JKAMP: variants seen among roughly 807,000 people sequenced by gnomAD.
JKAMP encodes the protein JNK1/MAPK8 associated membrane protein, also known as JNK1/MAPK8-associated membrane protein.
Under a neutral mutation model 40.2 loss-of-function variants are expected in JKAMP, and 20 were observed. The ratio of observed to expected loss-of-function variants is 0.50; its 90% CI spans 0.35 to 0.72. The LOEUF (loss-of-function observed/expected upper bound fraction) is 0.72. Among genes scored for constraint, JKAMP ranks in the 30% least tolerant of loss-of-function variants. The pLI, the probability that JKAMP is intolerant of heterozygous loss-of-function variation, is 0.01. For missense variants in JKAMP, 276 were observed against 373.0 expected, an observed-to-expected ratio of 0.74 and a Z score of 2.14; for synonymous variants, 138 against 131.6, an observed-to-expected ratio of 1.05 and a Z score of -0.33.
chr14:59,496,663 AG>A (rs1174395858), intron 4 of JKAMP, among the ~76,000 whole-genome samples: 1 of 152,168 alleles, frequency 6.6e-6, no homozygotes. Context: ...ATTTGAGTGT[AG>A]CCTAAGAATC....
intron 6 of JKAMP, among the ~76,000 whole-genome samples, chr14:59,502,705 T>G (rs1891975553): frequency 6.6e-6 from 1 of 151,722 alleles, no homozygotes; most frequent in African/African-American, 2.4e-5. Flanking sequence ...GGGAAAGATT[T>G]GAGGGAGAAA....
chr14:59,499,015 C>CTTTTTTTTTTTTTTTT (rs527684457), intron 5 of JKAMP, 107 bp downstream of exon 5: 2 of 124,342 alleles, frequency 1.6e-5, no homozygotes, highest in Non-Finnish European at 2.8e-5. Context: ...TTGTTTAATC[C>CTTTTTTTTTTTTTTTT]TTTTTTTTTT....
chr14:59,494,315 C>A (rs1307810593), intron 3 of JKAMP, among the ~76,000 whole-genome samples: 3 of 152,084 alleles, frequency 2.0e-5, no homozygotes, highest in Admixed American at 6.5e-5. Flanking sequence ...ATTTAACTAA[C>A]CACAGAATGG....
chr14:59,484,785 T>C, intron 1 of JKAMP, 192 bp downstream of exon 1: 2 of 901,178 alleles, frequency 2.2e-6, no homozygotes, highest in Non-Finnish European at 3.3e-6. Flanking sequence ...AACGGGCTAC[T>C]AGGGGAGGCG....
At chr14:59,487,486 G>T in intron 2 of JKAMP, 188 bp from the exon 3 acceptor site, 1 of 486,398 alleles carries the variant, frequency 2.1e-6, no homozygotes, top group South Asian at 3.7e-5. Context: ...TAAGAGCATT[G>T]TACAAATATA....
chr14:59,504,604 GATA>G lies in JKAMP; in HGVS notation c.*538_*540del, dbSNP rs1892210462. The G allele has an allele frequency of 6.5e-6, 1 of 152,706 alleles. No individual in the cohort carries two copies. The highest frequency in any genetic ancestry group is 1.5e-5 in the Non-Finnish European group (1 of 68,126). The allele number at this position is 152,706 out of a possible 1,614,324, so 9.5% of individuals were successfully genotyped here. ...AGTATTTTGATGTATTGCAAAAATA[GATA>G]ATAATTTATATAACAGGTTTTCTGT... On this transcript the variant is annotated 3_prime_UTR_variant, in exon 7 of 7. Coordinates refer to ENST00000616435, the MANE Select transcript of JKAMP (RefSeq NM_016475.5).
chr14:59,496,142 G>GATCAC (rs1891428805), intron 4 of JKAMP, among the ~76,000 whole-genome samples: 1 of 152,174 alleles, frequency 6.6e-6, no homozygotes, highest in Non-Finnish European at 1.5e-5. Flanking sequence ...CTGGCCTTAA[G>GATCAC]TGATCTACCC....
chr14:59,503,537 T>C (rs1306486872), intron 6 of JKAMP, among the ~76,000 whole-genome samples: 1 of 152,032 alleles, frequency 6.6e-6, no homozygotes, highest in Non-Finnish European at 1.5e-5. Context: ...GTTTCCCTTC[T>C]AGTTCGTATC....
At chr14:59,495,246 A>C (rs1331526841) in intron 4 of JKAMP, 22 bp downstream of exon 4, 2 of 1,494,642 alleles carry the variant, frequency 1.3e-6, no homozygotes, top group African/African-American at 3.5e-5. Flanking sequence ...TTTCGACTTA[A>C]GATCATTGTT....
At chr14:59,486,682 T>A in intron 1 of JKAMP, 31 bp from the exon 2 acceptor site, 1 of 1,407,088 alleles carries the variant, frequency 7.1e-7, no homozygotes, top group Non-Finnish European at 9.8e-7. Flanking sequence ...TCACAAAAGA[T>A]GTTACTATAC....
chr14:59,484,551 C>A lies in JKAMP; in HGVS notation c.-39C>A, dbSNP rs1400757046. The A allele has an allele frequency of 6.4e-7, 1 of 1,565,832 alleles. No individual in the cohort carries two copies. The highest frequency in any genetic ancestry group is 1.9e-5 in the Admixed American group (1 of 52,602). ...ATGTTCGGTGCAGCTGCCAGATCCG[C>A]TGATCTAGTGCTTCTCGAAAAAAAC... On this transcript the variant is annotated 5_prime_UTR_variant, in exon 1 of 7. It adds an upstream start codon to the 5' untranslated region. Transcript: ENST00000616435.
Position 59,498,623 on chromosome 14 carries a change from A to G in JKAMP, c.459-104A>G, listed in dbSNP as rs1478388825. 6.1e-6 allele frequency: 4 copies of G among 659,792 alleles called. No individual in the cohort carries two copies. The South Asian group carries it at 6.9e-5, about 11-fold the overall frequency. The allele number at this position is 659,792 out of a possible 1,614,324, so 40.9% of individuals were successfully genotyped here. ...TGAATATCCAATGGATAGAGTAAAT[A>G]TGCTTTTTAAACCTCTTTTAGGCTC... On this transcript the variant is annotated intron_variant, in intron 4 of 6. Coordinates refer to ENST00000616435, the MANE Select transcript of JKAMP (RefSeq NM_016475.5).
intron 4 of JKAMP, among the ~76,000 whole-genome samples, chr14:59,496,587 G>T (rs963399632): frequency 4.6e-5 from 7 of 152,074 alleles, no homozygotes; most frequent in Non-Finnish European, 7.4e-5. Flanking sequence ...TGGCAAACAG[G>T]TACTACCAAC....
intron 4 of JKAMP, among the ~76,000 whole-genome samples, chr14:59,498,247 T>C (rs1891597607): frequency 2.0e-5 from 3 of 152,250 alleles, no homozygotes; most frequent in African/African-American, 7.2e-5. Flanking sequence ...TGGCACTTAA[T>C]GTATTAGGCA....
chr14:59,502,755 T>TGTTTTTTTTTCTTTGTTTTTTTGTTTTG (rs67189643), intron 6 of JKAMP, among the ~76,000 whole-genome samples: 9 of 122,906 alleles, frequency 7.3e-5, no homozygotes, highest in South Asian at 2.7e-4. Flanking sequence ...ATGAGATTTT[T>TGTTTTTTTTTCTTTGTTTTTTTGTTTTG]TTTTTTTTTT....
intron 2 of JKAMP, chr14:59,487,061 G>C: frequency 3.4e-6 from 1 of 294,364 alleles, no homozygotes; most frequent in Admixed American, 4.9e-5. Context: ...AAATTAGCTG[G>C]GCATAGTTGT....
intron 3 of JKAMP, among the ~76,000 whole-genome samples, chr14:59,492,602 G>T (rs1385443044): frequency 6.6e-6 from 1 of 152,142 alleles, no homozygotes; most frequent in African/African-American, 2.4e-5. Context: ...ACCAGGCAAG[G>T]ATCATTTGTA....
chr14:59,496,047 G>A (rs1891417326), intron 4 of JKAMP, among the ~76,000 whole-genome samples: 1 of 152,160 alleles, frequency 6.6e-6, no homozygotes, highest in Non-Finnish European at 1.5e-5. Flanking sequence ...GGGATTACAG[G>A]CATGTGCCAC....
chr14:59,495,202 A>G lies in JKAMP; in HGVS notation c.436A>G (p.Thr146Ala). The G allele has an allele frequency of 1.2e-6, 2 of 1,611,964 alleles. No homozygotes were observed. Among genetic ancestry groups the G allele is most frequent in the East Asian group, 2.2e-5 (1 of 44,866 alleles). The change falls in exon 4 of 7, where the codon ACT becomes GCT. Residue 146 changes from threonine (T) to alanine (A), a missense_variant. By Grantham distance (58) the Thr-to-Ala change is moderately conservative. Coordinates refer to ENST00000616435, the MANE Select transcript of JKAMP (RefSeq NM_016475.5). Reference sequence around the variant, plus strand: ...AGATTACGTTACCACAGTACACTGTACTCATGAAGCCGTCTACCCACTGTA... The same window carrying G: ...AGATTACGTTACCACAGTACACTGTGCTCATGAAGCCGTCTACCCACTGTA... ...SPDYVTTVHCTHEAVYPLYTI... is the reference protein window; with the variant it reads ...SPDYVTTVHCAHEAVYPLYTI...
Sources: gnomAD v4.1 joint callset for allele counts (sites outside exome capture counted in the v4.1 genomes callset) on GRCh38, gnomAD v4.1.1 for gene constraint, MANE v1.5 for transcripts, NCBI Gene and HGNC (gene_info 2026-07-23, HGNC 2026-07-21) for gene names.